SPTBN1: variants seen among roughly 807,000 people sequenced by gnomAD.
SPTBN1 encodes the protein spectrin beta chain, non-erythrocytic 1.
Under a neutral mutation model 266.4 loss-of-function variants are expected in SPTBN1, and 32 were observed. The ratio of observed to expected loss-of-function variants is 0.12; its 90% CI spans 0.09 to 0.16. SPTBN1 has a LOEUF of 0.16. SPTBN1 is among the 10% of genes least tolerant of loss of function. The pLI, the probability that SPTBN1 is intolerant of heterozygous loss-of-function variation, is 1.00. For synonymous variants in SPTBN1, 1,336 were observed against 1,162.2 expected (o/e 1.15, Z -3.04); for missense variants, 2,296 against 3,067.1 (o/e 0.75, Z 5.94).
chr2:54,534,397 C>T (rs1326137454), intron 2 of SPTBN1, among the ~76,000 whole-genome samples: 2 of 152,142 alleles, frequency 1.3e-5, no homozygotes, highest in African/African-American at 2.4e-5. Context: ...GAGGTGTGGC[C>T]CCTAGCACAC....
chr2:54,640,634 C>A (rs1476852642), intron 18 of SPTBN1, among the ~76,000 whole-genome samples: 1 of 152,162 alleles, frequency 6.6e-6, no homozygotes, highest in Non-Finnish European at 1.5e-5. Flanking sequence ...TCACTACAGC[C>A]CCCACCTCCC....
intron 3 of SPTBN1, among the ~76,000 whole-genome samples, chr2:54,600,203 G>A (rs143643847): frequency 5.9e-5 from 9 of 152,332 alleles, no homozygotes; most frequent in Non-Finnish European, 1.3e-4. Flanking sequence ...GTCTAAGGTT[G>A]TCCCTTGTCC....
chr2:54,625,882 T>C (rs766994868), intron 11 of SPTBN1, 50 bp from the exon 12 acceptor site: 1 of 1,567,158 alleles, frequency 6.4e-7, no homozygotes, highest in South Asian at 1.2e-5. Flanking sequence ...TGAGCTACTG[T>C]GCCCGGGTGG....
chr2:54,564,175 T>C (rs1163400862), intron 2 of SPTBN1, among the ~76,000 whole-genome samples: 1 of 152,218 alleles, frequency 6.6e-6, no homozygotes, highest in Non-Finnish European at 1.5e-5. Context: ...ATACCAACTT[T>C]TTCTTAAATC....
At chr2:54,470,964 A>G (rs566872650) in intron 1 of SPTBN1, among the ~76,000 whole-genome samples, 5 of 152,256 alleles carry the variant, frequency 3.3e-5, no homozygotes, top group East Asian at 1.9e-4. Flanking sequence ...TGTGATATTT[A>G]TAGCTCATTA....
Position 54,456,415 on chromosome 2 carries a change from C to T in SPTBN1, c.-151C>T, listed in dbSNP as rs1693031106. 6.6e-6 allele frequency: 1 copy of T among 152,286 alleles called. No individual in the cohort carries two copies. Among genetic ancestry groups the T allele is most frequent in the Non-Finnish European group, 1.5e-5 (1 of 68,158 alleles). 9.4% of individuals were successfully genotyped at this position (152,286 alleles called of 1,614,324 possible). On this transcript the variant is annotated 5_prime_UTR_variant, in exon 1 of 36. Transcript: ENST00000356805. ...TGGTCCCGTCCTGTGAGCCCCGGCCCCAGCCGCGGACAGACCCGCGGAGTC... is the reference window on the plus strand; with the variant it reads ...TGGTCCCGTCCTGTGAGCCCCGGCCTCAGCCGCGGACAGACCCGCGGAGTC...
chr2:54,476,641 G>A (rs1667850495), intron 1 of SPTBN1, among the ~76,000 whole-genome samples: 2 of 152,116 alleles, frequency 1.3e-5, no homozygotes, highest in Non-Finnish European at 2.9e-5. Context: ...AGCCTCTCTC[G>A]GATGCAGGTT....
rs1428126912 is a variant in SPTBN1, at chr2:54,533,896, TCTCTCACA to T, written c.148+7332_148+7339del. Among the ~76,000 whole-genome samples the T allele has an allele frequency of 2.0e-5, 2 of 101,994 alleles. No individual in the cohort carries two copies. Among genetic ancestry groups the T allele is most frequent in the African/African-American group, 4.3e-5 (1 of 23,480 alleles). 66.9% of individuals were successfully genotyped at this position (101,994 alleles called of 152,430 possible). The stretch of plus-strand genomic sequence containing the variant: ...AAAGATTGATCTCTCTCTCTGTCTC[TCTCTCACA>T]CACACACACACACACACACACACGC... On this transcript the variant is annotated intron_variant, in intron 2 of 35. Coordinates refer to ENST00000356805, the MANE Select transcript of SPTBN1 (RefSeq NM_003128.3). This position sits in a 1 kb window ranked among gnomAD's most constrained non-coding sequence, Gnocchi z 4.2.
chr2:54,659,918 T>C lies in SPTBN1; in HGVS notation c.6357-18T>C. The C allele has an allele frequency of 3.7e-6, 6 of 1,611,498 alleles. No homozygotes were observed. Among genetic ancestry groups the C allele is most frequent in the Non-Finnish European group, 4.2e-6 (5 of 1,178,060 alleles). On this transcript the variant is annotated intron_variant, in intron 31 of 35. Coordinates refer to ENST00000356805, the MANE Select transcript of SPTBN1 (RefSeq NM_003128.3). ...TCTTCTTCCTTTCCCTTCCTCCTTTTCCCCTCTTCCCTAACAGGGATACTT... is the reference window on the plus strand; with the variant it reads ...TCTTCTTCCTTTCCCTTCCTCCTTTCCCCCTCTTCCCTAACAGGGATACTT...
chr2:54,583,624 C>T (rs564265893), intron 2 of SPTBN1, among the ~76,000 whole-genome samples: 93 of 152,240 alleles, frequency 6.1e-4, no homozygotes, highest in African/African-American at 1.2e-3. Context: ...CCATCTATTA[C>T]AAGGAAGTAT....
intron 9 of SPTBN1, among the ~76,000 whole-genome samples, chr2:54,623,208 G>T (rs532003520): frequency 3.3e-5 from 5 of 152,288 alleles, no homozygotes; most frequent in African/African-American, 1.2e-4. Context: ...TAAGTCCATT[G>T]TCCAGGATTT....
intron 1 of SPTBN1, among the ~76,000 whole-genome samples, chr2:54,487,120 G>A (rs962874334): frequency 2.1e-5 from 3 of 142,022 alleles, no homozygotes; most frequent in African/African-American, 5.2e-5. Context: ...TATTGTTCAT[G>A]TATAAAATTT....
intron 1 of SPTBN1, among the ~76,000 whole-genome samples, chr2:54,484,987 G>C (rs1668277766): frequency 6.6e-6 from 1 of 152,038 alleles, no homozygotes; most frequent in Non-Finnish European, 1.5e-5. Context: ...CCTAAAAAAT[G>C]TGTTAAATGT....
chr2:54,646,394 G>C lies in SPTBN1; in HGVS notation c.4785G>C (p.Gln1595His), dbSNP rs910583777. Residue 1595 changes from glutamine to histidine, a missense_variant, in exon 23 of 36, where the codon CAG (glutamine) becomes CAC (histidine). By Grantham distance (24) the Gln-to-His change is conservative. Transcript: ENST00000356805. The surrounding 1 kb of genome is among the most constrained non-coding windows in gnomAD (Gnocchi z 4.4). ...HRRLEEAHRA[Q>H]QYYFDAAEAE... is the part of the protein sequence containing the mutation. ...GGCTGGAGGAGGCGCACAGGGCCCA[G>C]CAGTACTACTTTGACGCTGCTGAGG... is the stretch of plus-strand genomic sequence containing the variant. 6.2e-7 allele frequency: 1 copy of C among 1,611,540 alleles called. No homozygotes were observed. The highest frequency in any genetic ancestry group is 1.3e-5 in the African/African-American group (1 of 74,738).
chr2:54,511,540 A>C (rs1428415754), intron 1 of SPTBN1, among the ~76,000 whole-genome samples: 1 of 152,168 alleles, frequency 6.6e-6, no homozygotes, highest in Non-Finnish European at 1.5e-5. Context: ...TTTATTGTGC[A>C]CTTTATTATT....
intron 2 of SPTBN1, among the ~76,000 whole-genome samples, chr2:54,577,441 G>T (rs1156336367): frequency 6.6e-6 from 1 of 152,178 alleles, no homozygotes; most frequent in Non-Finnish European, 1.5e-5. Flanking sequence ...AGCTACAAAG[G>T]AGAGGGAAAG....
intron 1 of SPTBN1, among the ~76,000 whole-genome samples, chr2:54,490,699 T>G (rs1477953227): frequency 6.6e-6 from 1 of 152,186 alleles, no homozygotes; most frequent in African/African-American, 2.4e-5. Flanking sequence ...GGCATCTTAT[T>G]CAGGTAGATG....
At chr2:54,530,558 C>T (rs907682304) in intron 2 of SPTBN1, among the ~76,000 whole-genome samples, 9 of 151,616 alleles carry the variant, frequency 5.9e-5, no homozygotes, top group Admixed American at 3.3e-4. Context: ...GGGGTTTCGC[C>T]GTGTTATCCA....
At chr2:54,559,020 C>G (rs1392784225) in intron 2 of SPTBN1, 7 of 1,007,852 alleles carry the variant, frequency 6.9e-6, no homozygotes, top group Non-Finnish European at 9.9e-6. Context: ...GCGGGCACCC[C>G]ATTCACGACT....
Sources: gnomAD v4.1 joint callset for allele counts (sites outside exome capture counted in the v4.1 genomes callset) on GRCh38, gnomAD v4.1.1 for gene constraint, Gnocchi (gnomAD v3.1) non-coding constraint, MANE v1.5 for transcripts, NCBI Gene and HGNC (gene_info 2026-07-23, HGNC 2026-07-21) for gene names.